CAMTA2: variants seen among roughly 807,000 people sequenced by gnomAD.
The protein encoded by CAMTA2 is calmodulin binding transcription activator 2, also known as calmodulin-binding transcription activator 2.
In CAMTA2, 56 loss-of-function variants were observed where a neutral mutation model predicts 135.7. The observed-to-expected ratio is 0.41, with a 90% CI of 0.33 to 0.52. The LOEUF is 0.52. CAMTA2 is among the 20% of genes least tolerant of loss of function. The pLI is 0.16. For missense variants in CAMTA2, 1,358 were observed against 1,553.4 expected (o/e 0.87, Z 2.11); for synonymous variants, 591 against 604.6 (o/e 0.98, Z 0.33).
chr17:4,970,016 T>C lies in CAMTA2; in HGVS notation c.3075A>G (p.Ala1025=), dbSNP rs1177489037. The C allele has an allele frequency of 1.2e-6, 2 of 1,614,220 alleles. No individual in the cohort carries two copies. Among genetic ancestry groups the C allele is most frequent in the Non-Finnish European group, 1.7e-6 (2 of 1,180,048 alleles). Residue 1025 remains alanine, a synonymous_variant, in exon 18 of 23, where the codon GCA becomes GCG. Coordinates refer to ENST00000348066, the MANE Select transcript of CAMTA2 (RefSeq NM_015099.4). The part of the protein sequence containing the change: ...SAPSWAEFLS[A]STSGKMESDF... ...CACTTTCCATCTTGCCACTGGTGGA[T>C]GCAGAGAGAAACTCTGCCCAGGAGG...
chr17:4,983,875 C>T (rs1430891841), intron 3 of CAMTA2: 1 of 151,588 alleles, frequency 6.6e-6, no homozygotes, highest in Non-Finnish European at 1.5e-5. Context: ...TGAGCCACCA[C>T]TCCTGGCCTC....
At chr17:4,975,979 T>G (rs913881241) in intron 11 of CAMTA2, among the ~76,000 whole-genome samples, 1 of 152,206 alleles carries the variant, frequency 6.6e-6, no homozygotes, top group Non-Finnish European at 1.5e-5. Context: ...TAGCAATGGA[T>G]ATCACTGAGA....
chr17:4,973,586 G>A lies in CAMTA2; in HGVS notation c.2200C>T (p.Arg734Trp), dbSNP rs777690609. 43 of 1,610,862 alleles carry A rather than the reference G, an allele frequency of 2.7e-5. No individual in the cohort carries two copies. Among genetic ancestry groups the A allele is most frequent in the East Asian group, 2.2e-4 (10 of 44,810 alleles). Reference sequence around the variant, plus strand: ...CCTCACCCAGCTGCCCTTGCTCACCGCCACTGGCTCAGGGTCTCGATGAGG... The same window carrying A: ...CCTCACCCAGCTGCCCTTGCTCACCACCACTGGCTCAGGGTCTCGATGAGG... ...ARLIETLSQW[R>W]SVETGSLDLE... is the part of the protein sequence containing the mutation. The change falls in exon 13 of 23, where the codon CGG becomes TGG. Residue 734 changes from arginine (R) to tryptophan (W), a missense_variant and splice_region_variant. By Grantham distance (101) the Arg-to-Trp change is moderately radical. Around this residue, in one of 4 missense-constraint regions of CAMTA2, gnomAD observed 1,077 missense variants for 1,127.5 expected, o/e 0.96. Coordinates refer to ENST00000348066, the MANE Select transcript of CAMTA2 (RefSeq NM_015099.4).
Position 4,981,809 on chromosome 17 carries a change from T to C in CAMTA2, c.434A>G (p.His145Arg). 2 of 1,608,724 alleles carry C rather than the reference T, an allele frequency of 1.2e-6. No individual in the cohort carries two copies. Among genetic ancestry groups the C allele is most frequent in the Non-Finnish European group, 1.7e-6 (2 of 1,177,036 alleles). ...LLQNPDIVLV[H>R]YLNVPALEDC... ...CTCCAGGGCTGGGACGTTCAGGTAGTGCACAAGGACGATGTCAGGGTTCTG... is the reference window on the plus strand; with the variant it reads ...CTCCAGGGCTGGGACGTTCAGGTAGCGCACAAGGACGATGTCAGGGTTCTG... Residue 145 changes from histidine to arginine, a missense_variant, in exon 7 of 23, where the codon CAC becomes CGC. By Grantham distance (29) the His-to-Arg change is conservative. This residue lies in a region of CAMTA2 where 105 missense variants were observed against 190.9 expected (regional missense o/e 0.55). Coordinates refer to ENST00000348066, the MANE Select transcript of CAMTA2 (RefSeq NM_015099.4).
chr17:4,968,589 G>GAGGGGTGTGGGAGCA lies in CAMTA2; in HGVS notation c.*152_*166dup. 1 of 693,468 alleles carries GAGGGGTGTGGGAGCA rather than the reference G, an allele frequency of 1.4e-6. No homozygotes were observed. The highest frequency in any genetic ancestry group is 2.5e-6 in the Non-Finnish European group (1 of 403,622). The allele number at this position is 693,468 out of a possible 1,614,324, so 43.0% of individuals were successfully genotyped here. A position where few individuals can be genotyped will look rare whatever the true frequency, so the allele number is the denominator to read the frequency against. On this transcript the variant is annotated 3_prime_UTR_variant, in exon 23 of 23. Transcript: ENST00000348066. ...GGGGCACGACCAGGAGGGACGAGGA[G>GAGGGGTGTGGGAGCA]AGGGGTGTGGGAGCAAGGCGTGGGG... is the stretch of plus-strand genomic sequence containing the variant.
At chr17:4,977,981 G>A (rs762730126) in intron 10 of CAMTA2, among the ~76,000 whole-genome samples, 1 of 152,260 alleles carries the variant, frequency 6.6e-6, no homozygotes, top group Non-Finnish European at 1.5e-5. Context: ...AACATGGTCA[G>A]TGAGACTGGG....
rs147743213 is a variant in CAMTA2 at position 4,982,080 on chromosome 17, C to A, written c.411+9G>T. On this transcript the variant is annotated intron_variant, in intron 6 of 22. Transcript: ENST00000348066. ...AAGAGGGTGGCTCCCTGGGCTCTTC[C>A]GTCCTTACCTGGAGCAGCCAGTAGC... The A allele has an allele frequency of 0.012, 18,990 of 1,609,084 alleles. 150 individuals are homozygous for A. Among genetic ancestry groups the A allele is most frequent in the Non-Finnish European group, 0.014 (16,923 of 1,175,680 alleles).
At chr17:4,973,368 C>T in intron 13 of CAMTA2, 115 bp from the exon 14 acceptor site, 2 of 915,128 alleles carry the variant, frequency 2.2e-6, no homozygotes, top group Non-Finnish European at 1.8e-6. Context: ...TGGGAAGAGG[C>T]AGTCAAGGAC....
Position 4,978,612 on chromosome 17 carries a change from T to C in CAMTA2, c.1657A>G (p.Ile553Val), listed in dbSNP as rs1413362106. The change falls in exon 10 of 23, where the codon ATC (isoleucine) becomes GTC (valine). Residue 553 changes from isoleucine to valine, a missense_variant. By Grantham distance (29) the Ile-to-Val change is conservative. This residue lies in a region of CAMTA2 where 1,077 missense variants were observed against 1,127.5 expected (regional missense o/e 0.96). Transcript: ENST00000348066. Reference sequence around the variant, plus strand: ...GCGGCTTCGGTCCAAGGACCTGTGATGAGCACCTTGACCCCACCCTGCAGA... The same window carrying C: ...GCGGCTTCGGTCCAAGGACCTGTGACGAGCACCTTGACCCCACCCTGCAGA... The part of the protein sequence containing the change: ...SYPEGGVKVL[I>V]TGPWTEAAEH... 6 of 1,613,692 alleles carry C rather than the reference T, an allele frequency of 3.7e-6. No homozygotes were observed. The highest frequency in any genetic ancestry group is 1.7e-5 in the Admixed American group (1 of 59,982).
intron 10 of CAMTA2, among the ~76,000 whole-genome samples, chr17:4,977,722 G>A (rs1459035616): frequency 6.6e-6 from 1 of 152,194 alleles, no homozygotes; most frequent in Admixed American, 6.5e-5. Context: ...GTAGAGACTG[G>A]GGGAGAACAC....
At position 4,974,439 on chromosome 17, in the gene CAMTA2, C is replaced by A. The variant is rs1972493251; in HGVS notation, c.1962G>T (p.Glu654Asp). The change falls in exon 12 of 23, where the codon GAG becomes GAT. Residue 654 changes from glutamate (E) to aspartate (D), a missense_variant. Physicochemically the swap from Glu to Asp is conservative, Grantham distance 45. Transcript: ENST00000348066. ...RLEQMEKRMA[E>D]IAAAGQVPCQ... ...AAGGCACCTGCCCAGCTGCTGCGAT[C>A]TCTGCCATCCGCTTCTCCATCTGCT... The A allele has an allele frequency of 1.9e-6, 3 of 1,613,978 alleles. No individual in the cohort carries two copies. Among genetic ancestry groups the A allele is most frequent in the Non-Finnish European group, 2.5e-6 (3 of 1,179,968 alleles).
At chr17:4,985,838 C>G (rs747697341) in intron 3 of CAMTA2, 42 bp downstream of exon 3, 1 of 1,294,908 alleles carries the variant, frequency 7.7e-7, no homozygotes, top group African/African-American at 1.5e-5. Flanking sequence ...CTCCAGCCTA[C>G]TAGGTCTTGC....
At position 4,982,117 on chromosome 17, in the gene CAMTA2, A is replaced by G. The variant is rs1250818206; in HGVS notation, c.383T>C (p.Phe128Ser). 1 of 1,583,452 alleles carries G rather than the reference A, an allele frequency of 6.3e-7. No homozygotes were observed. The highest frequency in any genetic ancestry group is 8.6e-7 in the Non-Finnish European group (1 of 1,162,004). Reference sequence around the variant, plus strand: ...GAGCAGCCAGTAGCAGCGCCGATGGAATGTGGGGACGATGGAAGAGTGAAC... The same window carrying G: ...GAGCAGCCAGTAGCAGCGCCGATGGGATGTGGGGACGATGGAAGAGTGAAC... Reference protein sequence around the residue: ...CYVHSSIVPTFHRRCYWLLQN... With the variant: ...CYVHSSIVPTSHRRCYWLLQN... Residue 128 changes from phenylalanine to serine, a missense_variant, in exon 6 of 23, where the codon TTC becomes TCC. This residue lies in a region of CAMTA2 where 105 missense variants were observed against 190.9 expected (regional missense o/e 0.55). Coordinates refer to ENST00000348066, the MANE Select transcript of CAMTA2 (RefSeq NM_015099.4).
At chr17:4,979,209 A>C (rs1369405125) in intron 9 of CAMTA2, among the ~76,000 whole-genome samples, 1 of 152,118 alleles carries the variant, frequency 6.6e-6, no homozygotes, top group African/African-American at 2.4e-5. Context: ...GCTTCACTCT[A>C]CATAAAAAAA....
chr17:4,970,467 C>T lies in CAMTA2; in HGVS notation c.2878G>A (p.Val960Met), dbSNP rs145978879. The T allele has an allele frequency of 1.3e-4, 207 of 1,614,054 alleles. No individual in the cohort carries two copies. The highest frequency in any genetic ancestry group is 3.2e-4 in the Admixed American group (19 of 60,010). ...GAGGCTCCAGCCTCGGGCAGCCCCA[C>T]GAAGTCCTCTCGTTTAATCCGCTCC... ...TPERIKREDF[V>M]GLPEAGASMR... The change falls in exon 17 of 23, where the codon GTG becomes ATG. Residue 960 changes from valine to methionine, a missense_variant. By Grantham distance (21) the Val-to-Met change is conservative (BLOSUM62 1). Transcript: ENST00000348066.
Position 4,972,976 on chromosome 17 carries a change from G to A in CAMTA2, c.2296C>T (p.Leu766=), listed in dbSNP as rs199831376. 6.3e-5 allele frequency: 101 copies of A among 1,612,864 alleles called. No individual in the cohort carries two copies. The highest frequency in any genetic ancestry group is 8.0e-5 in the Non-Finnish European group (94 of 1,179,814). ...SCTPLMWACA[L]GHLEAAVLLF... is the part of the protein sequence containing the mutation. ...AGCACAGCAGCTTCCAGGTGTCCCAGGGCACAAGCCCACATCTGAGGAAGG... is the reference window on the plus strand; with the variant it reads ...AGCACAGCAGCTTCCAGGTGTCCCAAGGCACAAGCCCACATCTGAGGAAGG... Residue 766 remains leucine (L), a synonymous_variant, in exon 15 of 23, where the codon CTG becomes TTG. Transcript: ENST00000348066.
Position 4,986,291 on chromosome 17 carries a change from G to A in CAMTA2, c.-64-5C>T. The A allele has an allele frequency of 3.2e-6, 4 of 1,253,354 alleles. No homozygotes were observed. Among genetic ancestry groups the A allele is most frequent in the Non-Finnish European group, 4.6e-6 (4 of 871,882 alleles). The allele number at this position is 1,253,354 out of a possible 1,614,324, so 77.6% of individuals were successfully genotyped here. On this transcript the variant is annotated splice_region_variant and splice_polypyrimidine_tract_variant and intron_variant, in intron 1 of 22. Coordinates refer to ENST00000348066, the MANE Select transcript of CAMTA2 (RefSeq NM_015099.4). ...CGGGGGGAGGGGGAGTCTGTGCTGG[G>A]AAGGGAGAGAACAAGGTCATGGCAG...
Position 4,979,276 on chromosome 17 carries a change from C to T in CAMTA2, c.1638+408G>A, listed in dbSNP as rs549477779. 6.4e-5 allele frequency: 10 copies of T among 155,908 alleles called. No homozygotes were observed. In the South Asian group the frequency reaches 9.1e-4, roughly 14 times the overall value. 9.7% of individuals were successfully genotyped at this position (155,908 alleles called of 1,614,324 possible). ...CTGTAATCCCAGCACTTTGGGAGGC[C>T]GAGGCAGGCAATCACCTGAGGTCAG... On this transcript the variant is annotated intron_variant, in intron 9 of 22. Transcript: ENST00000348066.
chr17:4,978,051 C>T (rs1972725219), intron 10 of CAMTA2, among the ~76,000 whole-genome samples: 1 of 152,180 alleles, frequency 6.6e-6, no homozygotes, highest in Non-Finnish European at 1.5e-5. Context: ...TAATGGCTAC[C>T]ATACTGGACA....
Sources: gnomAD v4.1 joint callset for allele counts (sites outside exome capture counted in the v4.1 genomes callset) on GRCh38, gnomAD v4.1.1 for gene constraint, gnomAD v4.1.1 regional missense constraint, MANE v1.5 for transcripts, NCBI Gene and HGNC (gene_info 2026-07-23, HGNC 2026-07-21) for gene names.